Variants in CCDC40 observed in about 807,000 individuals in gnomAD.
CCDC40 encodes coiled-coil domain 40 molecular ruler complex subunit.
Under a neutral mutation model 124.5 loss-of-function variants are expected in CCDC40, and 104 were observed. That is an observed-to-expected ratio of 0.84 (90% CI 0.71 to 0.98). CCDC40 has a LOEUF of 0.98. Among genes scored for constraint, CCDC40 ranks in the 50% least tolerant of loss-of-function variants. The pLI, the probability that CCDC40 is intolerant of heterozygous loss-of-function variation, is 0.00. For missense variants in CCDC40, 1,463 were observed against 1,503.9 expected (o/e 0.97, Z 0.45); for synonymous variants, 580 against 602.9 (o/e 0.96, Z 0.56).
chr17:80,087,874 C>A lies in CCDC40; in HGVS notation c.2619+98C>A. ...TCTGCACCAGGATGTAATTTCCACA[C>A]CCGTTCAAGATGCTTGTAGGGGTAT... On this transcript the variant is annotated intron_variant, in intron 15 of 19. Coordinates refer to ENST00000397545, the MANE Select transcript of CCDC40 (RefSeq NM_017950.4). This position sits in a 1 kb window ranked among gnomAD's most constrained non-coding sequence, Gnocchi z 4.5. The A allele has an allele frequency of 2.2e-6, 3 of 1,335,630 alleles. No individual in the cohort carries two copies. The highest frequency in any genetic ancestry group is 1.2e-5 in the South Asian group (1 of 85,418). The allele number at this position is 1,335,630 out of a possible 1,614,324, so 82.7% of individuals were successfully genotyped here. A position where few individuals can be genotyped will look rare whatever the true frequency, so the allele number is the denominator to read the frequency against.
chr17:80,077,033 G>A (rs62075560), intron 10 of CCDC40, among the ~76,000 whole-genome samples: 106,192 of 151,918 alleles, frequency 0.7, 37,505 homozygotes, highest in Middle Eastern at 0.9. Flanking sequence ...ACCACGCCCA[G>A]CCTAAAGTAA....
intron 7 of CCDC40, among the ~76,000 whole-genome samples, chr17:80,053,210 AAG>A (rs1401929912): frequency 6.6e-6 from 1 of 152,086 alleles, no homozygotes; most frequent in Non-Finnish European, 1.5e-5. Context: ...ATGCAGCTGA[AAG>A]AGAAAATAAA....
At chr17:80,067,800 A>G in intron 10 of CCDC40, 2 of 1,453,758 alleles carry the variant, frequency 1.4e-6, no homozygotes, top group Middle Eastern at 2.2e-4. Context: ...GCGGTGTTTC[A>G]AAGTCCCCTG....
At chr17:80,050,012 AC>A in intron 6 of CCDC40, 23 bp downstream of exon 6, 1 of 1,613,550 alleles carries the variant, frequency 6.2e-7, no homozygotes. Context: ...CCAGTCTCCC[AC>A]CCTGGTCGGA....
At chr17:80,048,935 C>A (rs780744613) in intron 5 of CCDC40, among the ~76,000 whole-genome samples, 174 bp downstream of exon 5, 4 of 152,164 alleles carry the variant, frequency 2.6e-5, no homozygotes, top group Non-Finnish European at 4.4e-5. Flanking sequence ...AGGGTACTCT[C>A]CTCTGAGGTT....
chr17:80,037,084 C>T (rs944353890), intron 1 of CCDC40, among the ~76,000 whole-genome samples: 1 of 152,204 alleles, frequency 6.6e-6, no homozygotes, highest in Non-Finnish European at 1.5e-5. Context: ...TTGGATACCG[C>T]CCCTGACCTT....
intron 7 of CCDC40, among the ~76,000 whole-genome samples, chr17:80,055,798 G>A (rs1380043184): frequency 6.6e-6 from 1 of 151,256 alleles, no homozygotes; most frequent in African/African-American, 2.4e-5. Flanking sequence ...CAGAGGCAAC[G>A]TAGATTCTTG....
chr17:80,043,605 C>CTTTT (rs61278841), intron 3 of CCDC40, among the ~76,000 whole-genome samples: 4 of 121,376 alleles, frequency 3.3e-5, no homozygotes, highest in African/African-American at 1.0e-4. Flanking sequence ...TCTCCTCTTC[C>CTTTT]TTTTTTTTTT....
chr17:80,097,501 T>A, intron 19 of CCDC40, 98 bp downstream of exon 19: 1 of 1,322,376 alleles, frequency 7.6e-7, no homozygotes, highest in Non-Finnish European at 1.1e-6. Flanking sequence ...CGGCCTCTCC[T>A]GATCAGGTCA....
chr17:80,065,952 C>T (rs1226860241), intron 10 of CCDC40: 1 of 618,434 alleles, frequency 1.6e-6, no homozygotes, highest in Non-Finnish European at 2.9e-6. Flanking sequence ...GAAACCCCAT[C>T]CCTTCTCGAT....
intron 7 of CCDC40, among the ~76,000 whole-genome samples, chr17:80,054,106 C>T (rs1034493730): frequency 1.3e-5 from 2 of 151,712 alleles, no homozygotes; most frequent in Admixed American, 6.6e-5. Flanking sequence ...AGATCAAAAG[C>T]AGAAGCTGAT....
intron 10 of CCDC40, chr17:80,068,080 C>A: frequency 1.3e-6 from 1 of 751,642 alleles, no homozygotes; most frequent in Non-Finnish European, 1.6e-6. Flanking sequence ...GTCCCCCAGG[C>A]TGGAGTGCAG....
intron 9 of CCDC40, among the ~76,000 whole-genome samples, chr17:80,064,614 C>G (rs1234317884): frequency 6.6e-6 from 1 of 152,108 alleles, no homozygotes; most frequent in Non-Finnish European, 1.5e-5. Context: ...CTCTGTGCCC[C>G]AAGCATAAAG....
At chr17:80,084,130 T>C (rs1251867855) in intron 12 of CCDC40, among the ~76,000 whole-genome samples, 2 of 152,198 alleles carry the variant, frequency 1.3e-5, no homozygotes, top group African/African-American at 4.8e-5. Flanking sequence ...TGTGCTACGA[T>C]TTAAGAAGTG....
Position 80,100,535 on chromosome 17 carries a change from G to A in CCDC40, c.*760G>A, listed in dbSNP as rs1307054124. ...CCTTGGGGCTTCTTTGCAGTTTAAA[G>A]GGAAAATGCTCTACAAAATAATTTC... is the stretch of plus-strand genomic sequence containing the variant. On this transcript the variant is annotated 3_prime_UTR_variant, in exon 20 of 20. Coordinates refer to ENST00000397545, the MANE Select transcript of CCDC40 (RefSeq NM_017950.4). The A allele has an allele frequency of 6.6e-6, 1 of 151,968 alleles. No homozygotes were observed. Among genetic ancestry groups the A allele is most frequent in the East Asian group, 1.9e-4 (1 of 5,198 alleles). The allele number at this position is 151,968 out of a possible 1,614,324, so 9.4% of individuals were successfully genotyped here.
In CCDC40 at chr17:80,087,532, T is replaced by C; in HGVS notation, c.2450-75T>C. On this transcript the variant is annotated intron_variant, in intron 14 of 19. Transcript: ENST00000397545. This position sits in a 1 kb window ranked among gnomAD's most constrained non-coding sequence, Gnocchi z 4.5. ...GGAGAGACAAAACCTGGCTCACCTC[T>C]CGGACACTGCTGCCTGCGGGCGAGG... is the stretch of plus-strand genomic sequence containing the variant. The C allele has an allele frequency of 8.1e-7, 1 of 1,240,550 alleles. No individual in the cohort carries two copies. 76.8% of individuals were successfully genotyped at this position (1,240,550 alleles called of 1,614,324 possible).
chr17:80,072,352 G>A (rs9902389), intron 10 of CCDC40, among the ~76,000 whole-genome samples: 8,974 of 152,102 alleles, frequency 0.059, 825 homozygotes, highest in African/African-American at 0.2. Flanking sequence ...AAATACCATC[G>A]ACTTTCTCTT....
chr17:80,074,106 A>G (rs188845483), intron 10 of CCDC40, among the ~76,000 whole-genome samples: 19 of 152,378 alleles, frequency 1.2e-4, no homozygotes, highest in Admixed American at 2.6e-4. Context: ...TTGTGAACAC[A>G]AAGGAAAAGT....
intron 10 of CCDC40, among the ~76,000 whole-genome samples, chr17:80,078,641 C>G (rs1404838340): frequency 6.6e-6 from 1 of 152,126 alleles, no homozygotes; most frequent in Non-Finnish European, 1.5e-5. Flanking sequence ...ATCTTTTTGT[C>G]ATTCTTTCAC....
Sources: allele counts gnomAD v4.1 joint callset (sites outside exome capture counted in the v4.1 genomes callset), GRCh38; gene constraint gnomAD v4.1.1; non-coding constraint Gnocchi (gnomAD v3.1); transcripts MANE v1.5; gene names NCBI Gene and HGNC (gene_info 2026-07-23, HGNC 2026-07-21).